RIPOR3: variants seen among roughly 807,000 people sequenced by gnomAD.
The protein encoded by RIPOR3 is family with sequence similarity 65 member C.
A neutral mutation model predicts 114.3 loss-of-function variants in RIPOR3; 95 were observed. The ratio of observed to expected loss-of-function variants is 0.83; its 90% CI spans 0.70 to 0.99. RIPOR3 has a LOEUF of 0.99. RIPOR3 is among the 50% of genes least tolerant of loss of function. RIPOR3 has a pLI of 0.00. For missense variants in RIPOR3, 1,252 were observed against 1,266.9 expected (o/e 0.99, Z 0.18); for synonymous variants, 575 against 543.8 (o/e 1.06, Z -0.80).
intron 2 of RIPOR3, among the ~76,000 whole-genome samples, chr20:50,623,606 C>T (rs568334771): frequency 2.0e-5 from 3 of 152,236 alleles, no homozygotes; most frequent in African/African-American, 7.2e-5. Flanking sequence ...CAGAGAAAGT[C>T]CAGCTTCCAA....
intron 1 of RIPOR3, among the ~76,000 whole-genome samples, chr20:50,637,066 C>T (rs571369343): frequency 6.6e-6 from 1 of 152,270 alleles, no homozygotes; most frequent in South Asian, 2.1e-4. Flanking sequence ...TGAGTTTACA[C>T]AGAAGACAGA....
At chr20:50,589,838 A>G in intron 19 of RIPOR3, 69 bp from the exon 20 acceptor site, 2 of 1,446,166 alleles carry the variant, frequency 1.4e-6, no homozygotes, top group Non-Finnish European at 9.6e-7. Context: ...CGGGTCCATC[A>G]GCCACCAGGT....
intron 2 of RIPOR3, among the ~76,000 whole-genome samples, chr20:50,626,520 G>A (rs1387816133): frequency 6.6e-6 from 1 of 152,210 alleles, no homozygotes; most frequent in Admixed American, 6.5e-5. Flanking sequence ...AGGAATCCAG[G>A]AAGGGGCCAA....
Position 50,620,048 on chromosome 20 carries a change from G to A in RIPOR3, c.207C>T (p.Val69=), listed in dbSNP as rs1465458301. The part of the protein sequence containing the change: ...KMYGTLRKGS[V]CADPKPQQVK... ...CCTGCTGGGGCTTCGGGTCTGCACAGACCGACCCCTTCCGCAGCGTGCCGT... is the reference window on the plus strand; with the variant it reads ...CCTGCTGGGGCTTCGGGTCTGCACAAACCGACCCCTTCCGCAGCGTGCCGT... Residue 69 remains valine, a synonymous_variant, in exon 3 of 22, where the codon GTC becomes GTT. Transcript: ENST00000327979. The A allele has an allele frequency of 1.2e-6, 2 of 1,614,160 alleles. No individual in the cohort carries two copies. Among genetic ancestry groups the A allele is most frequent in the South Asian group, 1.1e-5 (1 of 91,084 alleles).
rs1568980082 is a variant in RIPOR3, at chr20:50,691,314, GA to G, written c.-187del. 6 of 660,632 alleles carry G rather than the reference GA, an allele frequency of 9.1e-6. No individual in the cohort carries two copies. In the Admixed American group the frequency reaches 1.7e-4, roughly 19 times the overall value. 40.9% of individuals were successfully genotyped at this position (660,632 alleles called of 1,614,324 possible). On this transcript the variant is annotated 5_prime_UTR_variant, in exon 1 of 22. Transcript: ENST00000327979. ...TCCCGCTCTCTGGGAAGATCGCCTT[GA>G]GGACCTGCTGCGCCCCGAGTCTTCC... is the stretch of plus-strand genomic sequence containing the variant.
At chr20:50,623,004 C>T (rs1182049209) in intron 2 of RIPOR3, among the ~76,000 whole-genome samples, 2 of 152,130 alleles carry the variant, frequency 1.3e-5, no homozygotes, top group Admixed American at 1.3e-4. Context: ...TGGCTCACAC[C>T]TATAATCCCA....
chr20:50,614,376 C>T (rs746049120), intron 4 of RIPOR3, among the ~76,000 whole-genome samples: 24 of 152,220 alleles, frequency 1.6e-4, no homozygotes, highest in Non-Finnish European at 3.1e-4. Flanking sequence ...CTCCCCTCCT[C>T]GCTTTCCCAG....
intron 1 of RIPOR3, among the ~76,000 whole-genome samples, chr20:50,638,964 G>A (rs528643081): frequency 6.6e-5 from 10 of 152,264 alleles, no homozygotes; most frequent in African/African-American, 1.7e-4. Flanking sequence ...GAAACAGGCC[G>A]GGCGCAGTGG....
At chr20:50,590,655 A>G (rs2083079547) in intron 19 of RIPOR3, among the ~76,000 whole-genome samples, 1 of 152,118 alleles carries the variant, frequency 6.6e-6, no homozygotes, top group South Asian at 2.1e-4. Flanking sequence ...ATCGGTGTGG[A>G]AATGTCACAC....
intron 21 of RIPOR3, 72 bp downstream of exon 21, chr20:50,587,730 G>A: frequency 2.1e-6 from 3 of 1,440,380 alleles, no homozygotes; most frequent in Non-Finnish European, 2.9e-6. Flanking sequence ...TGGGAGAGCT[G>A]GGTGTGGCCT....
At chr20:50,611,083 G>C in intron 5 of RIPOR3, 98 bp downstream of exon 5, 2 of 1,594,232 alleles carry the variant, frequency 1.3e-6, no homozygotes, top group Admixed American at 1.7e-5. Context: ...AGGAGACCCA[G>C]GTTTTCTGCC....
At chr20:50,670,577 A>G (rs2086441149) in intron 1 of RIPOR3, among the ~76,000 whole-genome samples, 2 of 152,182 alleles carry the variant, frequency 1.3e-5, no homozygotes, top group Admixed American at 6.5e-5. Flanking sequence ...GCAGACCCAC[A>G]TGGCAGGTGA....
intron 2 of RIPOR3, among the ~76,000 whole-genome samples, chr20:50,627,783 C>T (rs115506152): frequency 0.025 from 3,829 of 152,242 alleles, 170 homozygotes; most frequent in African/African-American, 0.088. Context: ...ACAACCTGGG[C>T]GACAGAATGA....
chr20:50,601,383 G>A (rs963808300), intron 13 of RIPOR3, among the ~76,000 whole-genome samples: 4 of 152,204 alleles, frequency 2.6e-5, no homozygotes, highest in African/African-American at 7.2e-5. Context: ...GCAGTGAGCC[G>A]AGATGGCGCC....
In RIPOR3 at chr20:50,682,479, C is replaced by G. The variant is rs370085203; in HGVS notation, c.3+8647G>C. On this transcript the variant is annotated intron_variant, in intron 1 of 21. Coordinates refer to ENST00000327979, the MANE Select transcript of RIPOR3 (RefSeq NM_001290268.2). The stretch of plus-strand genomic sequence containing the variant: ...AAACGTAGCCAAGTGTGGTGGTGCA[C>G]GCCTGTAGTCCCAGCTACCAGGGAG... 1.8e-4 allele frequency among the ~76,000 whole-genome samples: 28 copies of G among 151,890 alleles called. No homozygotes were observed. The East Asian group carries it at 4.7e-3, about 25-fold the overall frequency.
chr20:50,592,475 C>A lies in RIPOR3; in HGVS notation c.2446G>T (p.Gly816Cys), dbSNP rs749291408. 1 of 1,611,566 alleles carries A rather than the reference C, an allele frequency of 6.2e-7. No individual in the cohort carries two copies. Among genetic ancestry groups the A allele is most frequent in the Non-Finnish European group, 8.5e-7 (1 of 1,179,068 alleles). Residue 816 changes from glycine (G) to cysteine (C), a missense_variant, in exon 19 of 22, where the codon GGC becomes TGC. Gly to Cys is a radical substitution (Grantham distance 159, BLOSUM62 -3). Transcript: ENST00000327979. ...VVRKLQGKRL[G>C]QLQPLPQTLR... ...GTCTGGGGCAGAGGCTGGAGCTGGC[C>A]CAGCCGCTTCCCCTGCAGCTTCCGG...
chr20:50,589,263 C>T (rs1275021760), intron 20 of RIPOR3, among the ~76,000 whole-genome samples: 4 of 151,612 alleles, frequency 2.6e-5, no homozygotes, highest in Admixed American at 2.6e-4. Flanking sequence ...CTGCTACATT[C>T]TAGGATGATG....
At chr20:50,673,355 C>A (rs528143735) in intron 1 of RIPOR3, among the ~76,000 whole-genome samples, 1 of 152,116 alleles carries the variant, frequency 6.6e-6, no homozygotes, top group African/African-American at 2.4e-5. Context: ...AGGATTTGAA[C>A]CCAGGCAGCC....
At chr20:50,654,031 C>G (rs1426275398) in intron 1 of RIPOR3, 1 of 152,094 alleles carries the variant, frequency 6.6e-6, no homozygotes, top group Non-Finnish European at 1.5e-5. Context: ...CTCCCAATTC[C>G]CTCTTCCTGC....
Sources: gnomAD v4.1 joint callset for allele counts (sites outside exome capture counted in the v4.1 genomes callset) on GRCh38, gnomAD v4.1.1 for gene constraint, MANE v1.5 for transcripts, NCBI Gene and HGNC (gene_info 2026-07-23, HGNC 2026-07-21) for gene names.